The following SARAF variants were observed in gnomAD, a reference collection of about 807,000 sequenced individuals.
The protein encoded by SARAF is store-operated calcium entry associated regulatory factor.
SARAF carries 23 observed loss-of-function variants against 39.7 expected under a neutral mutation model. The observed-to-expected ratio is 0.58, with a 90% CI of 0.42 to 0.82. SARAF has a LOEUF of 0.82. Ranked by LOEUF, SARAF falls within the 40% of genes least tolerant of loss-of-function variation. SARAF has a pLI of 0.00. For missense variants in SARAF, 384 were observed against 418.5 expected (o/e 0.92, Z 0.72); for synonymous variants, 175 against 168.5 (o/e 1.04, Z -0.30).
At chr8:30,064,463 T>C (rs1015993421) in intron 5 of SARAF, among the ~76,000 whole-genome samples, 3 of 150,546 alleles carry the variant, frequency 2.0e-5, no homozygotes, top group African/African-American at 4.9e-5. Flanking sequence ...TTCTAGTTCA[T>C]AGTCATGATT....
chr8:30,080,055 T>C (rs1283348292), intron 1 of SARAF, among the ~76,000 whole-genome samples: 4 of 152,166 alleles, frequency 2.6e-5, no homozygotes, highest in Admixed American at 1.3e-4. Flanking sequence ...ATGCTTCTAG[T>C]TGCTCAAGCC....
At chr8:30,072,082 G>A (rs1307544820) in intron 2 of SARAF, among the ~76,000 whole-genome samples, 1 of 152,134 alleles carries the variant, frequency 6.6e-6, no homozygotes. Flanking sequence ...CAGTGTATGA[G>A]GGTTCCAATT....
At chr8:30,069,612 C>CT in intron 3 of SARAF, 30 bp downstream of exon 3, 1 of 1,535,908 alleles carries the variant, frequency 6.5e-7, no homozygotes, top group South Asian at 1.2e-5. Context: ...CACACCCGCT[C>CT]TATTTATGGC....
At chr8:30,081,002 G>A (rs1279044149) in intron 1 of SARAF, among the ~76,000 whole-genome samples, 1 of 152,148 alleles carries the variant, frequency 6.6e-6, no homozygotes, top group Non-Finnish European at 1.5e-5. Flanking sequence ...TGCCGGGCAT[G>A]GTGGCACATG....
At chr8:30,064,957 C>T (rs1160098010) in intron 5 of SARAF, among the ~76,000 whole-genome samples, 1 of 151,956 alleles carries the variant, frequency 6.6e-6, no homozygotes, top group African/African-American at 2.4e-5. Flanking sequence ...ATTAGTTTTG[C>T]CTGTTTTTGC....
intron 1 of SARAF, among the ~76,000 whole-genome samples, chr8:30,081,412 TAG>T (rs1439776770): frequency 6.6e-6 from 1 of 152,252 alleles, no homozygotes; most frequent in African/African-American, 2.4e-5. Context: ...AGTTTCATTC[TAG>T]GTTTTCACTT....
chr8:30,082,772 C>T, intron 1 of SARAF, 75 bp downstream of exon 1: 1 of 1,221,396 alleles, frequency 8.2e-7, no homozygotes, highest in Non-Finnish European at 1.1e-6. Flanking sequence ...CGCACGGAAA[C>T]GCAGGGGAGC....
intron 1 of SARAF, 108 bp from the exon 2 acceptor site, chr8:30,074,163 AG>A: frequency 8.2e-7 from 1 of 1,225,200 alleles, no homozygotes; most frequent in Non-Finnish European, 1.1e-6. Flanking sequence ...TTGCCTTCTG[AG>A]GATGGCTAAG....
At position 30,071,159 on chromosome 8, in the gene SARAF, G is replaced by A. The variant is rs945321918; in HGVS notation, c.283-1100C>T. Among the ~76,000 whole-genome samples, 4 of 152,136 alleles carry A rather than the reference G, an allele frequency of 2.6e-5. No homozygotes were observed. In the East Asian group the frequency reaches 5.8e-4, roughly 22 times the overall value. On this transcript the variant is annotated intron_variant, in intron 2 of 5. Transcript: ENST00000256255. ...AGTTCAAGAACAGCCTGGCCAAAAT[G>A]GCAAAACCCCATCTCTACGAAAAAT...
intron 1 of SARAF, among the ~76,000 whole-genome samples, chr8:30,081,687 T>C (rs1270859274): frequency 6.6e-6 from 1 of 151,988 alleles, no homozygotes; most frequent in African/African-American, 2.4e-5. Context: ...CAATATGCTT[T>C]CCATGCCATC....
chr8:30,064,561 A>ATATATATTTTT (rs1423689069), intron 5 of SARAF, among the ~76,000 whole-genome samples: 1 of 46,228 alleles, frequency 2.2e-5, no homozygotes, highest in African/African-American at 1.1e-4. Context: ...ATATATATAT[A>ATATATATTTTT]TTTTTTTTTT....
chr8:30,066,076 C>T lies in SARAF; in HGVS notation c.906G>A (p.Thr302=), dbSNP rs778533091. The T allele has an allele frequency of 6.2e-7, 1 of 1,613,994 alleles. No individual in the cohort carries two copies. The highest frequency in any genetic ancestry group is 8.5e-7 in the Non-Finnish European group (1 of 1,179,992). ...GAAGGGGTGAGTAAGCCCTATTCCA[C>T]GTGCCAGGGTAGGAGGGAGGATAGG... is the stretch of plus-strand genomic sequence containing the variant. ...YPSYPPSYPG[T]WNRAYSPLHG... The change falls in exon 5 of 6, where the codon ACG becomes ACA. Residue 302 remains threonine, a synonymous_variant. Coordinates refer to ENST00000256255, the MANE Select transcript of SARAF (RefSeq NM_016127.6).
rs1801606157 is a variant in SARAF, at chr8:30,063,650, T to G, written c.*238A>C. 1 of 543,834 alleles carries G rather than the reference T, an allele frequency of 1.8e-6. No individual in the cohort carries two copies. The highest frequency in any genetic ancestry group is 3.2e-6 in the Non-Finnish European group (1 of 308,158). The allele number at this position is 543,834 out of a possible 1,614,324, so 33.7% of individuals were successfully genotyped here. ...TTAGCATTCCACAGTAATGATCACTTTCAAAAACTGCAATATACATCTGCA... is the reference window on the plus strand; with the variant it reads ...TTAGCATTCCACAGTAATGATCACTGTCAAAAACTGCAATATACATCTGCA... On this transcript the variant is annotated 3_prime_UTR_variant, in exon 6 of 6. Coordinates refer to ENST00000256255, the MANE Select transcript of SARAF (RefSeq NM_016127.6).
Position 30,082,920 on chromosome 8 carries a change from G to A in SARAF, c.30C>T (p.Ala10=), listed in dbSNP as rs567044625. 4.5e-6 allele frequency: 7 copies of A among 1,550,412 alleles called. No homozygotes were observed. The Admixed American group carries it at 9.8e-5, about 22-fold the overall frequency. The change falls in exon 1 of 6, where the codon GCC becomes GCT. Residue 10 remains alanine (A), a synonymous_variant. Coordinates refer to ENST00000256255, the MANE Select transcript of SARAF (RefSeq NM_016127.6). ...GCAAGCCGAGGAGCAAGCAGTACCC[G>A]GCCGCTCCCGGCCCGCAGGCTGCGG... is the stretch of plus-strand genomic sequence containing the variant. MAAACGPGA[A]GYCLLLGLHL...
chr8:30,068,590 C>A (rs1357953016), intron 3 of SARAF, among the ~76,000 whole-genome samples: 1 of 147,412 alleles, frequency 6.8e-6, no homozygotes, highest in Admixed American at 6.7e-5. Context: ...CCCCCTAGTC[C>A]GTGGAAAAAT....
chr8:30,078,730 A>G (rs1001568702), intron 1 of SARAF, among the ~76,000 whole-genome samples: 107 of 152,360 alleles, frequency 7.0e-4, no homozygotes, highest in Non-Finnish European at 2.6e-4. Context: ...ATATAGAGAG[A>G]GAGACCTAAA....
In SARAF at chr8:30,073,870, A is replaced by G. The variant is rs768333456; in HGVS notation, c.282+7T>C. 3.7e-6 allele frequency: 6 copies of G among 1,612,742 alleles called. No individual in the cohort carries two copies. Among genetic ancestry groups the G allele is most frequent in the Admixed American group, 1.7e-5 (1 of 59,980 alleles). On this transcript the variant is annotated splice_region_variant and intron_variant, in intron 2 of 5. Transcript: ENST00000256255. ...ATTTAGACTGCCATTACTGTAGTGG[A>G]TATTACCTGTACATCATACCCATCC...
At chr8:30,077,673 G>A (rs778651194) in intron 1 of SARAF, among the ~76,000 whole-genome samples, 44 of 151,654 alleles carry the variant, frequency 2.9e-4, no homozygotes, top group African/African-American at 8.5e-4. Flanking sequence ...ATGGTGGCGC[G>A]TGCCTGTAGT....
chr8:30,073,975 G>C lies in SARAF; in HGVS notation c.184C>G (p.Pro62Ala). The change falls in exon 2 of 6, where the codon CCA (proline) becomes GCA (alanine). Residue 62 changes from proline to alanine, a missense_variant. Coordinates refer to ENST00000256255, the MANE Select transcript of SARAF (RefSeq NM_016127.6). Reference sequence around the variant, plus strand: ...GTGCCTCCAACACATTTCAACTGTGGGATGGGATCCAGCCTGCGGGAGGTG... The same window carrying C: ...GTGCCTCCAACACATTTCAACTGTGCGATGGGATCCAGCCTGCGGGAGGTG... ...YTTSRRLDPI[P>A]QLKCVGGTAG... 1 of 1,614,168 alleles carries C rather than the reference G, an allele frequency of 6.2e-7. No homozygotes were observed. Among genetic ancestry groups the C allele is most frequent in the Non-Finnish European group, 8.5e-7 (1 of 1,180,032 alleles).
Sources: allele counts gnomAD v4.1 joint callset (sites outside exome capture counted in the v4.1 genomes callset), GRCh38; gene constraint gnomAD v4.1.1; transcripts MANE v1.5; gene names NCBI Gene and HGNC (gene_info 2026-07-23, HGNC 2026-07-21).